The following EEIG1 variants were observed in gnomAD, a reference collection of about 807,000 sequenced individuals.
EEIG1 encodes estrogen-induced osteoclastogenesis regulator 1.
chr9:127,950,589 G>A, the EEIG1 span: 2 of 1,597,002 alleles, frequency 1.3e-6, no homozygotes, highest in Non-Finnish European at 1.7e-6. Flanking sequence ...GTGGGCTCCT[G>A]GCTGGCGGAA....
the EEIG1 span, chr9:127,943,374 C>T: frequency 3.5e-4 from 273 of 786,430 alleles, no homozygotes; most frequent in African/African-American, 4.1e-3. Flanking sequence ...TAAAACCGTG[C>T]CCCAGCGATG....
chr9:127,953,249 T>G, the EEIG1 span: 4 of 368,944 alleles, frequency 1.1e-5, no homozygotes, highest in Non-Finnish European at 1.9e-5. Context: ...GTATGGTATA[T>G]TTCCTTTTTT....
chr9:127,953,791 G>T, the EEIG1 span: 3 of 1,613,836 alleles, frequency 1.9e-6, no homozygotes, highest in African/African-American at 4.0e-5. Context: ...CCCCACATGC[G>T]CCCTTGGCCT....
the EEIG1 span, chr9:127,953,485 G>T: frequency 1.7e-6 from 2 of 1,186,532 alleles, no homozygotes; most frequent in Non-Finnish European, 2.5e-6. Context: ...CCTCTTGCTT[G>T]TGGCAGAAAA....
At chr9:127,974,894 C>CTGCTCTGTGAAGGAAAGTGGG in the EEIG1 span, among the ~76,000 whole-genome samples, 3 of 152,182 alleles carry the variant, frequency 2.0e-5, no homozygotes, top group South Asian at 6.2e-4. Context: ...TCCAGAGCTC[C>CTGCTCTGTGAAGGAAAGTGGG]TGCTCTGTGA....
At chr9:127,974,832 G>A in the EEIG1 span, among the ~76,000 whole-genome samples, 2 of 152,202 alleles carry the variant, frequency 1.3e-5, no homozygotes, top group Non-Finnish European at 2.9e-5. Context: ...AGGGAAAGTG[G>A]AACAGGCACA....
the EEIG1 span, among the ~76,000 whole-genome samples, chr9:127,974,566 C>T: frequency 1.3e-5 from 2 of 152,218 alleles, no homozygotes; most frequent in Admixed American, 6.5e-5. Flanking sequence ...CACATGAGGA[C>T]AAGGACCATG....
At chr9:127,972,044 A>C in the EEIG1 span, among the ~76,000 whole-genome samples, 1 of 152,022 alleles carries the variant, frequency 6.6e-6, no homozygotes, top group East Asian at 1.9e-4. This position sits in a 1 kb window ranked among gnomAD's most constrained non-coding sequence, Gnocchi z 4.3. Context: ...CAGCAGCCTG[A>C]CAGCCAGTGC....
At chr9:127,950,720 A>G in the EEIG1 span, 2 of 1,400,914 alleles carry the variant, frequency 1.4e-6, no homozygotes, top group South Asian at 3.0e-5. Flanking sequence ...CCGGGTCGGC[A>G]GCACCAACAT....
the EEIG1 span, chr9:127,948,550 G>C: frequency 3.4e-5 from 29 of 862,514 alleles, no homozygotes; most frequent in Non-Finnish European, 4.8e-5. Context: ...TCCTGGCTTG[G>C]GGGCTCTGGC....
At chr9:127,979,483 AGAG>A in the EEIG1 span, among the ~76,000 whole-genome samples, 1 of 152,338 alleles carries the variant, frequency 6.6e-6, no homozygotes, top group East Asian at 1.9e-4. Flanking sequence ...AGCTCCAGCC[AGAG>A]GAGGATAGTC....
At chr9:127,945,925 A>C in the EEIG1 span, among the ~76,000 whole-genome samples, 1 of 152,240 alleles carries the variant, frequency 6.6e-6, no homozygotes. This position sits in a 1 kb window ranked among gnomAD's most constrained non-coding sequence, Gnocchi z 6.5. Flanking sequence ...TCACCCTCCG[A>C]ACCCAGGTCC....
chr9:127,973,710 C>T, the EEIG1 span, among the ~76,000 whole-genome samples: 14 of 152,328 alleles, frequency 9.2e-5, no homozygotes, highest in Admixed American at 3.3e-4. This position sits in a 1 kb window ranked among gnomAD's most constrained non-coding sequence, Gnocchi z 4.2. Context: ...CCTCGCTGCC[C>T]GGGCTGGCCT....
chr9:127,969,152 G>A, the EEIG1 span, among the ~76,000 whole-genome samples: 9 of 152,154 alleles, frequency 5.9e-5, no homozygotes, highest in East Asian at 5.8e-4. Flanking sequence ...AATGCCCGTC[G>A]GCAAAGACAG....
chr9:127,945,800 G>T, the EEIG1 span: 1 of 1,286,892 alleles, frequency 7.8e-7, no homozygotes, highest in Non-Finnish European at 1.1e-6. The surrounding 1 kb of genome is among the most constrained non-coding windows in gnomAD (Gnocchi z 6.5). Flanking sequence ...GGGTCACCCA[G>T]TGCTGCTCAC....
At chr9:127,953,531 A>AC in the EEIG1 span, 5 of 1,592,846 alleles carry the variant, frequency 3.1e-6, no homozygotes, top group African/African-American at 1.3e-5. Flanking sequence ...GTCCCATGCC[A>AC]CCCCCCATTC....
At chr9:127,977,556 C>T in the EEIG1 span, among the ~76,000 whole-genome samples, 1 of 152,222 alleles carries the variant, frequency 6.6e-6, no homozygotes, top group African/African-American at 2.4e-5. Flanking sequence ...GTCCCCACCC[C>T]ACCGCCCACC....
chr9:127,944,395 G>A, the EEIG1 span: 6 of 598,290 alleles, frequency 1.0e-5, no homozygotes, highest in African/African-American at 3.7e-5. Context: ...GGAAACCACC[G>A]AACCTGTCCG....
the EEIG1 span, among the ~76,000 whole-genome samples, chr9:127,967,148 C>T: frequency 6.6e-6 from 1 of 152,176 alleles, no homozygotes; most frequent in Admixed American, 6.5e-5. Context: ...GGCTCTGAGC[C>T]AAATCCGTCA....
Sources: gnomAD v4.1 joint callset for allele counts (sites outside exome capture counted in the v4.1 genomes callset) on GRCh38, gnomAD v4.1.1 for gene constraint, Gnocchi (gnomAD v3.1) non-coding constraint, MANE v1.5 for transcripts, NCBI Gene and HGNC (gene_info 2026-07-23, HGNC 2026-07-21) for gene names.